CD226: variants seen among roughly 807,000 people sequenced by gnomAD.
CD226 encodes CD226 antigen.
CD226 carries 24 observed loss-of-function variants against 34.9 expected under a neutral mutation model. The observed-to-expected ratio is 0.69, with a 90% confidence interval of 0.50 to 0.97. The LOEUF (loss-of-function observed/expected upper bound fraction) is 0.97. CD226 is among the 50% of genes least tolerant of loss of function. The pLI, the probability that CD226 is intolerant of heterozygous loss-of-function variation, is 0.00. For synonymous variants in CD226, 148 were observed against 147.4 expected, an observed-to-expected ratio of 1.00 and a Z score of -0.03; for missense variants, 397 against 412.7, an observed-to-expected ratio of 0.96 and a Z score of 0.33.
At chr18:69,951,749 C>G (rs980737628), upstream of CD226, among the ~76,000 whole-genome samples, 1 of 151,918 alleles carries the variant, frequency 6.6e-6, no homozygotes, top group African/African-American at 2.4e-5. Flanking sequence ...ACAAATAGAC[C>G]AAGGAAATTG....
At chr18:69,946,683 T>C (rs1342686731) in intron 2 of CD226, 51 bp downstream of exon 2, 4 of 1,199,074 alleles carry the variant, frequency 3.3e-6, no homozygotes, top group East Asian at 4.7e-5. Context: ...TAGAAATAAA[T>C]GTTGTAAGTG....
chr18:69,931,283 A>T (rs927930550), intron 2 of CD226, among the ~76,000 whole-genome samples: 2 of 152,124 alleles, frequency 1.3e-5, no homozygotes, highest in African/African-American at 4.8e-5. Flanking sequence ...CCTAATGCTA[A>T]ATGACAAGTT....
At position 69,859,854 on chromosome 18, in the gene CD226, C is replaced by A. The variant is rs987468489; in HGVS notation, c.*4460G>T. 6.6e-6 allele frequency: 1 copy of A among 152,122 alleles called. No individual in the cohort carries two copies. Among genetic ancestry groups the A allele is most frequent in the Non-Finnish European group, 1.5e-5 (1 of 68,048 alleles). The allele number at this position is 152,122 out of a possible 1,614,324, so 9.4% of individuals were successfully genotyped here. A position where few individuals can be genotyped will look rare whatever the true frequency, so the allele number is the denominator to read the frequency against. ...TTAGGAGGCTGAGGCAGGTGGATCA[C>A]CTGAGGTCCAGAGTTCAAGACAAGT... On this transcript the variant is annotated 3_prime_UTR_variant, in exon 6 of 6. Coordinates refer to ENST00000582621, the MANE Select transcript of CD226 (RefSeq NM_001303618.2).
chr18:69,871,760 A>G (rs982469221), intron 4 of CD226, among the ~76,000 whole-genome samples: 1 of 152,252 alleles, frequency 6.6e-6, no homozygotes, highest in Admixed American at 6.5e-5. Flanking sequence ...TAAATAAAGT[A>G]GAAAGTATGA....
intron 2 of CD226, among the ~76,000 whole-genome samples, chr18:69,945,502 C>G (rs530789551): frequency 1.3e-5 from 2 of 152,250 alleles, no homozygotes; most frequent in East Asian, 3.9e-4. Flanking sequence ...CTTTCTGACA[C>G]CACAGCTCAC....
intron 2 of CD226, among the ~76,000 whole-genome samples, chr18:69,904,673 TC>T (rs1401181598): frequency 6.6e-6 from 1 of 152,234 alleles, no homozygotes; most frequent in Non-Finnish European, 1.5e-5. Context: ...TTCTGCAGTT[TC>T]TCTCAACCAG....
chr18:69,898,731 C>T (rs868017603), intron 2 of CD226, among the ~76,000 whole-genome samples: 2 of 152,122 alleles, frequency 1.3e-5, no homozygotes, highest in African/African-American at 4.8e-5. Context: ...ATTACGAGGT[C>T]GGCCAAACCT....
At chr18:69,908,516 C>T (rs965573770) in intron 2 of CD226, among the ~76,000 whole-genome samples, 1 of 152,140 alleles carries the variant, frequency 6.6e-6, no homozygotes, top group Non-Finnish European at 1.5e-5. Flanking sequence ...GTGTTCTTAA[C>T]CAAACAGAAT....
intron 2 of CD226, among the ~76,000 whole-genome samples, chr18:69,918,952 A>G (rs905231665): frequency 6.6e-6 from 1 of 152,174 alleles, no homozygotes; most frequent in Non-Finnish European, 1.5e-5. Context: ...TGCTGCACTG[A>G]TACAGACATG....
chr18:69,944,031 A>G (rs1441945202), intron 2 of CD226, among the ~76,000 whole-genome samples: 1 of 151,950 alleles, frequency 6.6e-6, no homozygotes, highest in East Asian at 1.9e-4. Context: ...ACAGTATACA[A>G]AAGTACAATA....
At chr18:69,960,994 T>C (rs188190123), upstream of CD226, among the ~76,000 whole-genome samples, 49 of 152,330 alleles carry the variant, frequency 3.2e-4, no homozygotes, top group Admixed American at 6.5e-4. Context: ...CTGTAAACCT[T>C]GAAAATTATT....
chr18:69,920,785 CAG>C (rs1358571305), intron 2 of CD226, among the ~76,000 whole-genome samples: 1 of 145,804 alleles, frequency 6.9e-6, no homozygotes, highest in African/African-American at 2.8e-5. Flanking sequence ...CTAGCGAAGA[CAG>C]AGTCAGTATT....
intron 4 of CD226, among the ~76,000 whole-genome samples, chr18:69,871,501 G>A (rs888844966): frequency 7.2e-5 from 11 of 152,232 alleles, no homozygotes; most frequent in African/African-American, 2.7e-4. Context: ...AAGCATGAAA[G>A]TGATTAAAAT....
intron 1 of CD226, among the ~76,000 whole-genome samples, chr18:69,956,350 T>A (rs1258787213): frequency 1.3e-5 from 2 of 152,272 alleles, no homozygotes; most frequent in East Asian, 1.9e-4. Flanking sequence ...TTGAGTAGGA[T>A]AATAAATCTT....
intron 2 of CD226, among the ~76,000 whole-genome samples, chr18:69,945,653 A>G (rs2055779929): frequency 6.6e-6 from 1 of 152,166 alleles, no homozygotes; most frequent in Non-Finnish European, 1.5e-5. Flanking sequence ...CAGGAGTCCA[A>G]GACCAGCCTG....
At chr18:69,891,854 G>T (rs1216789025) in intron 3 of CD226, among the ~76,000 whole-genome samples, 2 of 152,182 alleles carry the variant, frequency 1.3e-5, no homozygotes, top group African/African-American at 2.4e-5. Flanking sequence ...TGCCATCTTT[G>T]CTCAAGAACT....
chr18:69,861,040 A>C lies in CD226; in HGVS notation c.*3274T>G, dbSNP rs2145164022. The stretch of plus-strand genomic sequence containing the variant: ...TGTTATACAGCTGTAATTTTTACTT[A>C]ATGCCATTCTATACAAACCAATATA... On this transcript the variant is annotated 3_prime_UTR_variant, in exon 6 of 6. Transcript: ENST00000582621. 1 of 152,230 alleles carries C rather than the reference A, an allele frequency of 6.6e-6. No homozygotes were observed. The highest frequency in any genetic ancestry group is 2.4e-5 in the African/African-American group (1 of 41,588). The allele number at this position is 152,230 out of a possible 1,614,324, so 9.4% of individuals were successfully genotyped here.
intron 2 of CD226, among the ~76,000 whole-genome samples, chr18:69,939,042 T>C (rs1280436514): frequency 6.6e-6 from 1 of 152,126 alleles, no homozygotes; most frequent in Non-Finnish European, 1.5e-5. Flanking sequence ...GCTGAGATCA[T>C]GCCACTGCAC....
intron 2 of CD226, among the ~76,000 whole-genome samples, chr18:69,933,911 T>C (rs747094743): frequency 6.6e-6 from 1 of 152,234 alleles, no homozygotes; most frequent in East Asian, 1.9e-4. Flanking sequence ...GAAACATTTA[T>C]AGGATTTAAA....
Sources: allele counts gnomAD v4.1 joint callset (sites outside exome capture counted in the v4.1 genomes callset), GRCh38; gene constraint gnomAD v4.1.1; transcripts MANE v1.5; gene names NCBI Gene and HGNC (gene_info 2026-07-23, HGNC 2026-07-21).